Variants in PLEKHB2 observed in about 807,000 individuals in gnomAD.
PLEKHB2 encodes the protein pleckstrin homology domain-containing family B member 2.
PLEKHB2 carries 31 observed loss-of-function variants against 36.5 expected under a neutral mutation model. The ratio of observed to expected loss-of-function variants is 0.85; its 90% confidence interval spans 0.64 to 1.15. PLEKHB2 has a LOEUF of 1.15. Ranked by LOEUF, PLEKHB2 falls within the 50% of genes most tolerant of loss-of-function variation. PLEKHB2 has a pLI of 0.00. For missense variants in PLEKHB2, 262 were observed against 295.3 expected (o/e 0.89, Z 0.83); for synonymous variants, 119 against 112.0 (o/e 1.06, Z -0.39).
At chr2:131,132,877 C>G (rs1009859165) in intron 5 of PLEKHB2, 25 bp from the exon 6 acceptor site, 8 of 1,382,384 alleles carry the variant, frequency 5.8e-6, no homozygotes, top group Non-Finnish European at 7.2e-6. Context: ...GCTGTCCTGT[C>G]CTCACCCTCT....
chr2:131,136,237 C>A (rs866870794), intron 6 of PLEKHB2, among the ~76,000 whole-genome samples: 1 of 143,306 alleles, frequency 7.0e-6, no homozygotes, highest in African/African-American at 2.7e-5. Context: ...TCTCCCCTGA[C>A]CCCCTGAGAG....
chr2:131,128,421 C>CT (rs1697314898), intron 4 of PLEKHB2, among the ~76,000 whole-genome samples: 2 of 152,210 alleles, frequency 1.3e-5, no homozygotes, highest in African/African-American at 4.8e-5. Flanking sequence ...GGAGCAGAGT[C>CT]TTCAGGAATG....
At chr2:131,139,463 T>C (rs1698571329) in intron 6 of PLEKHB2, among the ~76,000 whole-genome samples, 2 of 152,248 alleles carry the variant, frequency 1.3e-5, no homozygotes, top group South Asian at 4.1e-4. Context: ...GCTACAACTC[T>C]GTTCTCCCTT....
At chr2:131,111,171 A>C (rs765854430) in intron 1 of PLEKHB2, among the ~76,000 whole-genome samples, 2 of 151,598 alleles carry the variant, frequency 1.3e-5, no homozygotes, top group African/African-American at 2.4e-5. Flanking sequence ...TGCCTGGCTA[A>C]TTTTTGTATT....
intron 6 of PLEKHB2, among the ~76,000 whole-genome samples, chr2:131,138,926 C>G (rs980334690): frequency 6.6e-6 from 1 of 152,200 alleles, no homozygotes; most frequent in Non-Finnish European, 1.5e-5. Flanking sequence ...CTCAGCCCCC[C>G]ACTCAGTCTT....
At chr2:131,114,888 A>G (rs979144851) in intron 1 of PLEKHB2, among the ~76,000 whole-genome samples, 5 of 152,026 alleles carry the variant, frequency 3.3e-5, no homozygotes, top group East Asian at 1.9e-4. Flanking sequence ...AACTGTTCCA[A>G]CCTCTGCCTT....
At chr2:131,111,687 C>A (rs1695349515) in intron 1 of PLEKHB2, among the ~76,000 whole-genome samples, 1 of 151,956 alleles carries the variant, frequency 6.6e-6, no homozygotes, top group African/African-American at 2.4e-5. Context: ...GACGGGGTTT[C>A]ACCATGTTGG....
At chr2:131,130,383 A>G (rs557239267) in intron 4 of PLEKHB2, among the ~76,000 whole-genome samples, 3 of 152,072 alleles carry the variant, frequency 2.0e-5, no homozygotes, top group Admixed American at 2.0e-4. Context: ...GCTAATCTAA[A>G]TTTTTTACTC....
intron 1 of PLEKHB2, among the ~76,000 whole-genome samples, chr2:131,109,672 AAG>A (rs1206340171): frequency 3.9e-5 from 6 of 152,220 alleles, no homozygotes; most frequent in Admixed American, 6.5e-5. Context: ...CCTGGGCAAC[AAG>A]AGCGAAACTC....
chr2:131,121,003 GA>G, intron 2 of PLEKHB2, 25 bp downstream of exon 2: 2 of 1,610,532 alleles, frequency 1.2e-6, no homozygotes, highest in Non-Finnish European at 1.7e-6. Context: ...TGCGGTCTGC[GA>G]TCGGCATTGC....
intron 2 of PLEKHB2, 98 bp from the exon 3 acceptor site, chr2:131,125,655 T>C: frequency 1.0e-6 from 1 of 970,846 alleles, no homozygotes; most frequent in South Asian, 1.7e-5. Flanking sequence ...CAGTGACCTA[T>C]GATCATGTTT....
chr2:131,109,880 C>G (rs538193919), intron 1 of PLEKHB2, among the ~76,000 whole-genome samples: 93 of 151,922 alleles, frequency 6.1e-4, no homozygotes, highest in Non-Finnish European at 1.3e-3. Flanking sequence ...TTTGGGATGC[C>G]AAGGCAAGTG....
chr2:131,143,647 A>G (rs1280100973), intron 7 of PLEKHB2, among the ~76,000 whole-genome samples: 1 of 152,196 alleles, frequency 6.6e-6, no homozygotes, highest in African/African-American at 2.4e-5. Context: ...AAGTTTTGAT[A>G]GCTTCAGTAG....
At chr2:131,108,223 C>G (rs941208495) in intron 1 of PLEKHB2, among the ~76,000 whole-genome samples, 13 of 152,166 alleles carry the variant, frequency 8.5e-5, no homozygotes, top group African/African-American at 3.1e-4. Context: ...CAAAGAGATA[C>G]AAATTCAAAT....
At chr2:131,109,040 A>T (rs1695016834) in intron 1 of PLEKHB2, among the ~76,000 whole-genome samples, 1 of 152,200 alleles carries the variant, frequency 6.6e-6, no homozygotes, top group Non-Finnish European at 1.5e-5. Flanking sequence ...AAATTTCAAA[A>T]GCATATGATA....
chr2:131,121,413 T>C (rs1457673304), intron 2 of PLEKHB2, among the ~76,000 whole-genome samples: 1 of 152,090 alleles, frequency 6.6e-6, no homozygotes, highest in Non-Finnish European at 1.5e-5. Context: ...CATGCCCGGC[T>C]AATTTTGTAT....
Position 131,110,137 on chromosome 2 carries a change from T to A in PLEKHB2, c.-9+4739T>A, listed in dbSNP as rs578259412. ...CTCAAAAAAAAAAAATAGTATTTTA[T>A]CTTTGTGGATATGGTAAAATTGCTA... is the stretch of plus-strand genomic sequence containing the variant. On this transcript the variant is annotated intron_variant, in intron 1 of 7. Coordinates refer to ENST00000693505, the MANE Select transcript of PLEKHB2 (RefSeq NM_001100623.2). Among the ~76,000 whole-genome samples the A allele has an allele frequency of 1.2e-3, 175 of 152,166 alleles. 1 individual carries two copies. The highest frequency in any genetic ancestry group is 3.7e-3 in the African/African-American group (153 of 41,528).
intron 1 of PLEKHB2, among the ~76,000 whole-genome samples, chr2:131,108,507 A>G (rs1217909450): frequency 6.6e-6 from 1 of 152,230 alleles, no homozygotes; most frequent in East Asian, 1.9e-4. Context: ...CCATTTGAGA[A>G]GCAGCTTGAT....
chr2:131,130,003 A>T (rs1697515501), intron 4 of PLEKHB2, among the ~76,000 whole-genome samples: 1 of 152,096 alleles, frequency 6.6e-6, no homozygotes, highest in South Asian at 2.1e-4. Context: ...AGATGTTTAC[A>T]TAAGAGTGTA....
Sources: gnomAD v4.1 joint callset for allele counts (sites outside exome capture counted in the v4.1 genomes callset) on GRCh38, gnomAD v4.1.1 for gene constraint, MANE v1.5 for transcripts, NCBI Gene and HGNC (gene_info 2026-07-23, HGNC 2026-07-21) for gene names.